The following FBXL7 variants were observed in gnomAD, a reference collection of about 807,000 sequenced individuals.
FBXL7 encodes F-box and leucine rich repeat protein 7.
Under a neutral mutation model 38.3 loss-of-function variants are expected in FBXL7, and 12 were observed. The ratio of observed to expected loss-of-function variants is 0.31; its 90% confidence interval spans 0.20 to 0.51. The LOEUF (loss-of-function observed/expected upper bound fraction) is 0.51. FBXL7 is among the 20% of genes least tolerant of loss of function. FBXL7 has a pLI of 0.98. For missense variants in FBXL7, 567 were observed against 676.4 expected (o/e 0.84, Z 1.79); for synonymous variants, 297 against 300.9 (o/e 0.99, Z 0.13).
At chr5:15,919,975 T>C (rs575496583) in intron 2 of FBXL7, among the ~76,000 whole-genome samples, 17 of 152,262 alleles carry the variant, frequency 1.1e-4, no homozygotes, top group Non-Finnish European at 4.4e-5. Context: ...ATATTTGCTT[T>C]AGGCCAACCA....
intron 2 of FBXL7, among the ~76,000 whole-genome samples, chr5:15,820,208 C>T (rs998134165): frequency 3.3e-5 from 5 of 152,124 alleles, no homozygotes; most frequent in African/African-American, 7.2e-5. Context: ...TGGGCACCTG[C>T]GCCATTCATT....
chr5:15,717,653 G>T (rs961819391), intron 2 of FBXL7, among the ~76,000 whole-genome samples: 5 of 152,140 alleles, frequency 3.3e-5, no homozygotes, highest in African/African-American at 1.2e-4. Context: ...GAGAGCAAAT[G>T]ATTATATAAA....
At chr5:15,809,098 C>T (rs1410631620) in intron 2 of FBXL7, among the ~76,000 whole-genome samples, 1 of 152,188 alleles carries the variant, frequency 6.6e-6, no homozygotes, top group Non-Finnish European at 1.5e-5. Flanking sequence ...CACCAATCAT[C>T]ATCATGGGAA....
chr5:15,864,950 A>C (rs1020001898), intron 2 of FBXL7, among the ~76,000 whole-genome samples: 2 of 152,306 alleles, frequency 1.3e-5, no homozygotes, highest in South Asian at 4.1e-4. Context: ...GTCTTCCTTT[A>C]GGCTGGCTAA....
intron 2 of FBXL7, among the ~76,000 whole-genome samples, chr5:15,733,174 A>G (rs924081634): frequency 6.6e-6 from 1 of 151,832 alleles, no homozygotes; most frequent in African/African-American, 2.4e-5. Context: ...GCTCACTGCA[A>G]CCTCCGCCTC....
intron 2 of FBXL7, among the ~76,000 whole-genome samples, chr5:15,684,724 T>C (rs1742962145): frequency 1.3e-5 from 2 of 152,164 alleles, no homozygotes; most frequent in Non-Finnish European, 1.5e-5. Context: ...ATAGGCTCAT[T>C]GGAAAATGCT....
At chr5:15,820,564 TC>T (rs1738142628) in intron 2 of FBXL7, among the ~76,000 whole-genome samples, 1 of 152,204 alleles carries the variant, frequency 6.6e-6, no homozygotes, top group Non-Finnish European at 1.5e-5. Context: ...TTTGTGGGTT[TC>T]TTCCACAGCA....
At chr5:15,797,368 T>C (rs1443324321) in intron 2 of FBXL7, among the ~76,000 whole-genome samples, 1 of 152,222 alleles carries the variant, frequency 6.6e-6, no homozygotes, top group African/African-American at 2.4e-5. Context: ...GTGACACCTG[T>C]TTCTGCCTGT....
intron 1 of FBXL7, among the ~76,000 whole-genome samples, chr5:15,614,251 GTTCTTTTCTT>G (rs373461403): frequency 1.4e-4 from 20 of 141,374 alleles, no homozygotes; most frequent in African/African-American, 3.0e-4. Context: ...AATAGCTTGC[GTTCTTTTCTT>G]TTCTTTTCTT....
intron 2 of FBXL7, among the ~76,000 whole-genome samples, chr5:15,816,084 A>G (rs1177431087): frequency 1.3e-5 from 2 of 152,100 alleles, no homozygotes; most frequent in Non-Finnish European, 2.9e-5. Context: ...TGACCTCATC[A>G]CTGTTAGAAA....
chr5:15,917,644 G>GGAAAGGAAGGAAGGAAGGAAGGAAGGAA (rs1554034053), intron 2 of FBXL7, among the ~76,000 whole-genome samples: 21 of 91,024 alleles, frequency 2.3e-4, no homozygotes, highest in African/African-American at 8.5e-4. Context: ...AAGGAAGGGA[G>GGAAAGGAAGGAAGGAAGGAAGGAAGGAA]GGAAGGAAGG....
chr5:15,627,777 C>T (rs1170021544), intron 2 of FBXL7, among the ~76,000 whole-genome samples: 9 of 152,128 alleles, frequency 5.9e-5, no homozygotes, highest in Non-Finnish European at 1.0e-4. Context: ...GAAATATTTG[C>T]CCTTTACAGT....
chr5:15,934,091 G>A (rs562330865), intron 3 of FBXL7, among the ~76,000 whole-genome samples: 29 of 152,104 alleles, frequency 1.9e-4, no homozygotes, highest in Non-Finnish European at 3.2e-4. Flanking sequence ...TGCAACCTCC[G>A]CCTCCCAAGT....
At chr5:15,653,099 G>A (rs1741766945) in intron 2 of FBXL7, among the ~76,000 whole-genome samples, 1 of 152,126 alleles carries the variant, frequency 6.6e-6, no homozygotes, top group African/African-American at 2.4e-5. Context: ...TACAGTTTGT[G>A]GTGCTGCAAA....
intron 2 of FBXL7, among the ~76,000 whole-genome samples, chr5:15,687,251 TA>T (rs1313434164): frequency 6.6e-6 from 1 of 152,276 alleles, no homozygotes. Flanking sequence ...TGGCTGATTG[TA>T]ATTCAAAAGC....
chr5:15,617,639 A>G (rs1336183923), intron 2 of FBXL7, among the ~76,000 whole-genome samples: 2 of 152,102 alleles, frequency 1.3e-5, no homozygotes, highest in Non-Finnish European at 2.9e-5. Flanking sequence ...GGGTTTTACC[A>G]TGTTGGCCAG....
rs781312166 is a variant in FBXL7 at position 15,936,655 on chromosome 5, C to G, written c.945C>G (p.Gly315=). Residue 315 remains glycine, a synonymous_variant, in exon 4 of 4, where the codon GGC becomes GGG. Transcript: ENST00000504595. This position sits in a 1 kb window ranked among gnomAD's most constrained non-coding sequence, Gnocchi z 6.0. The part of the protein sequence containing the change: ...LRRCVRLTDE[G]LRYLVIYCAS... ...GCTGCGTCCGCCTGACCGACGAAGG[C>G]CTGCGCTACCTGGTGATCTACTGCG... The G allele has an allele frequency of 2.5e-6, 4 of 1,608,296 alleles. No individual in the cohort carries two copies. In the African/African-American group the frequency reaches 5.3e-5, roughly 21 times the overall value.
At chr5:15,659,968 A>G (rs755749332) in intron 2 of FBXL7, among the ~76,000 whole-genome samples, 1 of 152,212 alleles carries the variant, frequency 6.6e-6, no homozygotes, top group Non-Finnish European at 1.5e-5. Flanking sequence ...TGGCACTTTT[A>G]CTTTTGTAAA....
chr5:15,549,844 T>C (rs1030609549), intron 1 of FBXL7, among the ~76,000 whole-genome samples: 4 of 152,154 alleles, frequency 2.6e-5, no homozygotes, highest in Non-Finnish European at 4.4e-5. Flanking sequence ...GTGGTCCCTA[T>C]GGAGAACCTT....
Sources: gnomAD v4.1 joint callset for allele counts (sites outside exome capture counted in the v4.1 genomes callset) on GRCh38, gnomAD v4.1.1 for gene constraint, Gnocchi (gnomAD v3.1) non-coding constraint, MANE v1.5 for transcripts, NCBI Gene and HGNC (gene_info 2026-07-23, HGNC 2026-07-21) for gene names.